Variants in TNRC6A observed in about 807,000 individuals in gnomAD.
TNRC6A encodes the protein trinucleotide repeat-containing gene 6A protein.
TNRC6A carries 44 observed loss-of-function variants against 221.2 expected under a neutral mutation model. That is an observed-to-expected ratio of 0.20 (90% CI 0.16 to 0.26). The LOEUF (loss-of-function observed/expected upper bound fraction) is 0.26. Ranked by LOEUF, TNRC6A falls within the 10% of genes least tolerant of loss-of-function variation. TNRC6A has a pLI of 1.00. For missense variants in TNRC6A, 2,199 were observed against 2,404.4 expected (o/e 0.91, Z 1.79); for synonymous variants, 847 against 838.5 (o/e 1.01, Z -0.18).
chr16:24,616,117 A>G (rs1475566109), intron 1 of TNRC6A, among the ~76,000 whole-genome samples: 2 of 152,092 alleles, frequency 1.3e-5, no homozygotes. Flanking sequence ...ACCTGAGCCC[A>G]GGAGTTCTAG....
chr16:24,786,958 G>A (rs1298429379), intron 5 of TNRC6A, among the ~76,000 whole-genome samples: 3 of 152,212 alleles, frequency 2.0e-5, no homozygotes, highest in Non-Finnish European at 4.4e-5. Flanking sequence ...TGAGATTACA[G>A]GCATAAGCCA....
chr16:24,656,024 T>G (rs1226568655), intron 2 of TNRC6A, among the ~76,000 whole-genome samples: 1 of 150,980 alleles, frequency 6.6e-6, no homozygotes, highest in Non-Finnish European at 1.5e-5. Flanking sequence ...GTGCCTGTGG[T>G]CCCAGCTACT....
intron 2 of TNRC6A, among the ~76,000 whole-genome samples, chr16:24,676,746 A>G (rs934000736): frequency 6.6e-6 from 1 of 152,064 alleles, no homozygotes; most frequent in African/African-American, 2.4e-5. Context: ...GAGCTACTGC[A>G]CCCGGCCAAG....
At chr16:24,803,657 T>TG (rs1302047397) in intron 11 of TNRC6A, 2 of 152,786 alleles carry the variant, frequency 1.3e-5, no homozygotes, top group Non-Finnish European at 2.9e-5. Context: ...CCTAGCACAT[T>TG]GGGAGGCCGA....
At chr16:24,816,075 A>C (rs112128800) in intron 19 of TNRC6A, 2 of 152,434 alleles carry the variant, frequency 1.3e-5, no homozygotes, top group Non-Finnish European at 2.9e-5. Context: ...CTGTAATCCT[A>C]GCACTTTGGG....
intron 2 of TNRC6A, among the ~76,000 whole-genome samples, chr16:24,742,100 C>G (rs569007600): frequency 1.7e-4 from 26 of 152,272 alleles, no homozygotes; most frequent in African/African-American, 6.3e-4. Flanking sequence ...CCTTCCAAAG[C>G]ACTGGGATTA....
rs954419336 is a variant in TNRC6A, at chr16:24,659,418, C to T, written n.402+18409C>T. Among the ~76,000 whole-genome samples, 8 of 152,088 alleles carry T rather than the reference C, an allele frequency of 5.3e-5. 1 individual carries two copies. Among genetic ancestry groups the T allele is most frequent in the South Asian group, 2.1e-4 (1 of 4,826 alleles). ...TCTCTCCTCGTGCCCTCAAAAAACG[C>T]TCCCTTTTACCAAGTGGTGGGTGGT... On this transcript the variant is annotated intron_variant and non_coding_transcript_variant, in intron 2 of 2. Coordinates refer to the TNRC6A transcript ENST00000566108.
At chr16:24,727,180 C>G (rs1438149701), upstream of TNRC6A, among the ~76,000 whole-genome samples, 1 of 152,128 alleles carries the variant, frequency 6.6e-6, no homozygotes, top group Non-Finnish European at 1.5e-5. Flanking sequence ...CAGGCATGCA[C>G]CACTATGCCT....
chr16:24,627,804 T>TCTC (rs1257229643), intron 1 of TNRC6A, among the ~76,000 whole-genome samples: 2 of 150,678 alleles, frequency 1.3e-5, no homozygotes, highest in Non-Finnish European at 3.0e-5. Flanking sequence ...TTCAAGTGAT[T>TCTC]CTCCTGCCTC....
chr16:24,762,273 TG>T (rs1215120788), intron 4 of TNRC6A, among the ~76,000 whole-genome samples: 2 of 152,250 alleles, frequency 1.3e-5, no homozygotes, highest in Non-Finnish European at 2.9e-5. Flanking sequence ...CCTTAATATT[TG>T]TTTTTCTGTC....
intron 2 of TNRC6A, among the ~76,000 whole-genome samples, chr16:24,734,197 A>G (rs1213259894): frequency 6.6e-6 from 1 of 151,960 alleles, no homozygotes; most frequent in African/African-American, 2.4e-5. Context: ...GAGAGAAAGG[A>G]AAAAAAAGAT....
chr16:24,625,688 T>G (rs1349610628), intron 1 of TNRC6A, among the ~76,000 whole-genome samples: 1 of 136,362 alleles, frequency 7.3e-6, no homozygotes, highest in African/African-American at 2.8e-5. Context: ...ATTGCGCCAC[T>G]GCAGTCCGCA....
At position 24,651,958 on chromosome 16, in the gene TNRC6A, A is replaced by G. The variant is rs192325737; in HGVS notation, n.402+10949A>G. 4.6e-5 allele frequency among the ~76,000 whole-genome samples: 7 copies of G among 151,604 alleles called. No homozygotes were observed. The East Asian group carries it at 1.4e-3, about 29-fold the overall frequency. On this transcript the variant is annotated intron_variant and non_coding_transcript_variant, in intron 2 of 2. Coordinates refer to the TNRC6A transcript ENST00000566108. ...TAAAAAAAAAAAAAAATTAATTAAAAAAACTTTTTGATGATGGATAGATAG... is the reference window on the plus strand; with the variant it reads ...TAAAAAAAAAAAAAAATTAATTAAAGAAACTTTTTGATGATGGATAGATAG...
At chr16:24,646,432 A>G (rs1048347151) in intron 2 of TNRC6A, among the ~76,000 whole-genome samples, 1 of 152,198 alleles carries the variant, frequency 6.6e-6, no homozygotes, top group Non-Finnish European at 1.5e-5. Flanking sequence ...ATTTGTATGT[A>G]TACACTGAAC....
intron 11 of TNRC6A, among the ~76,000 whole-genome samples, chr16:24,801,594 C>T (rs1037405491): frequency 2.8e-5 from 4 of 144,878 alleles, no homozygotes; most frequent in African/African-American, 5.2e-5. Context: ...GGCGCAATCT[C>T]GGCTCACTGC....
rs375309783 is a variant in TNRC6A, at chr16:24,716,698, A to G, written n.403-34028A>G. The stretch of plus-strand genomic sequence containing the variant: ...AAAAAGTCTGGGCATGGTGGCTCGC[A>G]CCTGTAATCCTAGCACTTTGGGAGG... On this transcript the variant is annotated intron_variant and non_coding_transcript_variant, in intron 2 of 2. Coordinates refer to the TNRC6A transcript ENST00000566108. Among the ~76,000 whole-genome samples the G allele has an allele frequency of 8.5e-5, 13 of 152,130 alleles. No homozygotes were observed. The East Asian group carries it at 2.5e-3, about 29-fold the overall frequency.
At chr16:24,797,779 C>A in intron 10 of TNRC6A, 136 bp from the exon 11 acceptor site, 1 of 873,216 alleles carries the variant, frequency 1.1e-6, no homozygotes. Context: ...TTAAAAATTA[C>A]ATTAGGCAGT....
At chr16:24,738,751 C>T (rs920801951) in intron 2 of TNRC6A, among the ~76,000 whole-genome samples, 1 of 152,168 alleles carries the variant, frequency 6.6e-6, no homozygotes, top group Non-Finnish European at 1.5e-5. Context: ...TATGAACATT[C>T]ATGTACAAAT....
intron 18 of TNRC6A, among the ~76,000 whole-genome samples, chr16:24,814,615 A>G (rs2058618946): frequency 6.6e-6 from 1 of 151,800 alleles, no homozygotes; most frequent in Non-Finnish European, 1.5e-5. Flanking sequence ...GGGTTTCACC[A>G]TGTTGGCCAG....
Sources: allele counts gnomAD v4.1 joint callset (sites outside exome capture counted in the v4.1 genomes callset), GRCh38; gene constraint gnomAD v4.1.1; transcripts MANE v1.5; gene names NCBI Gene and HGNC (gene_info 2026-07-23, HGNC 2026-07-21).